IL7: variants seen among roughly 807,000 people sequenced by gnomAD.
IL7 encodes the protein interleukin 7.
IL7 carries 3 observed loss-of-function variants against 21.6 expected under a neutral mutation model. The ratio of observed to expected loss-of-function variants is 0.14; its 90% confidence interval spans 0.06 to 0.36. IL7 has a LOEUF of 0.36. Among genes scored for constraint, IL7 ranks in the 10% least tolerant of loss-of-function variants. The pLI is 1.00. For missense variants in IL7, 175 were observed against 200.2 expected (o/e 0.87, Z 0.76); for synonymous variants, 62 against 68.1 (o/e 0.91, Z 0.44).
At chr8:78,676,629 C>T (rs1357436927) in intron 4 of IL7, among the ~76,000 whole-genome samples, 1 of 151,930 alleles carries the variant, frequency 6.6e-6, no homozygotes, top group Non-Finnish European at 1.5e-5. Flanking sequence ...CATCCTCTTA[C>T]TATTTCTAGT....
chr8:78,734,121 A>T (rs924476199), intron 5 of IL7, among the ~76,000 whole-genome samples: 2 of 152,218 alleles, frequency 1.3e-5, no homozygotes, highest in African/African-American at 4.8e-5. Flanking sequence ...TTGGAATTTC[A>T]TGAGAAAGGT....
intron 2 of IL7, among the ~76,000 whole-genome samples, chr8:78,767,770 TTTATTTTA>T (rs932325966): frequency 1.1e-4 from 16 of 152,058 alleles, no homozygotes; most frequent in African/African-American, 3.9e-4. Flanking sequence ...AGTAATCTTT[TTTATTTTA>T]TTATTATTAT....
intron 4 of IL7, among the ~76,000 whole-genome samples, chr8:78,738,088 A>C (rs1339456775): frequency 6.6e-6 from 1 of 152,148 alleles, no homozygotes; most frequent in African/African-American, 2.4e-5. Context: ...GTTTATGTCT[A>C]GTTTAAGCCT....
downstream of IL7, chr8:78,717,460 C>T: frequency 6.3e-7 from 1 of 1,595,364 alleles, no homozygotes. Context: ...CCAAATTTTG[C>T]TGTGAATGTG....
intron 3 of IL7, among the ~76,000 whole-genome samples, chr8:78,693,438 A>G (rs1005675731): frequency 2.6e-5 from 4 of 152,144 alleles, no homozygotes; most frequent in Non-Finnish European, 4.4e-5. Flanking sequence ...CTGGTGTGAG[A>G]TGGTATCTCA....
chr8:78,739,822 A>G (rs1172668836), intron 3 of IL7, among the ~76,000 whole-genome samples, 180 bp downstream of exon 3: 1 of 152,174 alleles, frequency 6.6e-6, no homozygotes, highest in Non-Finnish European at 1.5e-5. Context: ...TTTAATAAGC[A>G]CAGGACTATT....
intron 1 of IL7, 72 bp from the exon 2 acceptor site, chr8:78,798,280 A>G (rs1296510752): frequency 2.0e-6 from 2 of 1,006,182 alleles, no homozygotes; most frequent in South Asian, 2.0e-5. Flanking sequence ...GTTTCAATGG[A>G]CTGGACCACT....
intron 3 of IL7, among the ~76,000 whole-genome samples, chr8:78,704,697 A>G (rs1218086922): frequency 1.3e-5 from 2 of 152,136 alleles, no homozygotes; most frequent in Non-Finnish European, 2.9e-5. Flanking sequence ...ATGTTTTTCA[A>G]ATTGGTGCCA....
intron 2 of IL7, among the ~76,000 whole-genome samples, chr8:78,749,696 C>T (rs1406221919): frequency 1.3e-5 from 2 of 152,140 alleles, no homozygotes; most frequent in Non-Finnish European, 2.9e-5. Flanking sequence ...TGAGTTTGAT[C>T]TTTAGGAGCT....
intron 3 of IL7, among the ~76,000 whole-genome samples, chr8:78,694,622 T>C (rs1810338829): frequency 6.6e-6 from 1 of 152,194 alleles, no homozygotes; most frequent in Non-Finnish European, 1.5e-5. Flanking sequence ...TTTACAATGA[T>C]TTTTTATTCT....
chr8:78,762,266 T>C (rs1452620669), intron 2 of IL7: 8 of 1,579,540 alleles, frequency 5.1e-6, no homozygotes, highest in Admixed American at 1.7e-5. Context: ...TAATCGATAA[T>C]GTTTATTTAG....
At chr8:78,755,742 T>C (rs1812324720) in intron 2 of IL7, among the ~76,000 whole-genome samples, 1 of 151,976 alleles carries the variant, frequency 6.6e-6, no homozygotes, top group South Asian at 2.1e-4. Flanking sequence ...GTGGAGTATT[T>C]AGATTTTTCT....
chr8:78,714,310 A>C (rs1039552640), downstream of IL7, among the ~76,000 whole-genome samples: 1 of 152,154 alleles, frequency 6.6e-6, no homozygotes, highest in African/African-American at 2.4e-5. Flanking sequence ...ATTAGGATAA[A>C]TAAATTTCTA....
intron 4 of IL7, chr8:78,678,528 A>G: frequency 1.9e-6 from 3 of 1,544,574 alleles, no homozygotes; most frequent in Non-Finnish European, 2.6e-6. Flanking sequence ...TCTGTAGAAA[A>G]GAAAATGATA....
At chr8:78,768,606 T>G (rs1321576361) in intron 2 of IL7, among the ~76,000 whole-genome samples, 2 of 151,674 alleles carry the variant, frequency 1.3e-5, no homozygotes, top group African/African-American at 4.9e-5. Flanking sequence ...TTGCCCACTT[T>G]TTGATGGGGG....
intron 2 of IL7, chr8:78,761,724 G>A (rs1812565211): frequency 6.2e-7 from 1 of 1,611,956 alleles, no homozygotes; most frequent in Non-Finnish European, 8.5e-7. Context: ...ATCTGCCTCT[G>A]CTGTGTTTTT....
rs558975821 is a variant in IL7 at position 78,700,967 on chromosome 8, C to G, written n.215-15020G>C. ...TTCTTTTTGCTTAGAATTACCTTGG[C>G]TAGTTTGACTCATTTTTTATTCTAT... On this transcript the variant is annotated intron_variant and non_coding_transcript_variant, in intron 3 of 4. Transcript: ENST00000523959. 7.9e-5 allele frequency among the ~76,000 whole-genome samples: 12 copies of G among 152,268 alleles called. No individual in the cohort carries two copies. In the South Asian group the frequency reaches 2.5e-3, roughly 32 times the overall value.
chr8:78,727,164 T>G (rs1266056198), intron 3 of IL7, among the ~76,000 whole-genome samples: 1 of 152,044 alleles, frequency 6.6e-6, no homozygotes, highest in Non-Finnish European at 1.5e-5. Flanking sequence ...CCCTTTTCTT[T>G]CAGCTTGCCA....
At chr8:78,778,624 G>A (rs1813211190) in intron 2 of IL7, among the ~76,000 whole-genome samples, 1 of 151,926 alleles carries the variant, frequency 6.6e-6, no homozygotes, top group South Asian at 2.1e-4. Flanking sequence ...TATGAGTACT[G>A]TGCTATTTTG....
Sources: gnomAD v4.1 joint callset for allele counts (sites outside exome capture counted in the v4.1 genomes callset) on GRCh38, gnomAD v4.1.1 for gene constraint, MANE v1.5 for transcripts, NCBI Gene and HGNC (gene_info 2026-07-23, HGNC 2026-07-21) for gene names.